Variants in INIP observed in about 807,000 individuals in gnomAD.
INIP encodes SOSS complex subunit C.
In INIP, 9 loss-of-function variants were observed where a neutral mutation model predicts 14.0. The observed-to-expected ratio is 0.64, with a 90% confidence interval of 0.39 to 1.12. The LOEUF is 1.12. Ranked by LOEUF, INIP falls within the 50% of genes most tolerant of loss-of-function variation. The pLI, the probability that INIP is intolerant of heterozygous loss-of-function variation, is 0.01. For missense variants in INIP, 78 were observed against 122.7 expected (o/e 0.64, Z 1.72); for synonymous variants, 37 against 41.5 (o/e 0.89, Z 0.41).
intron 3 of INIP, among the ~76,000 whole-genome samples, chr9:112,690,808 A>C (rs1244297881): frequency 6.6e-6 from 1 of 152,234 alleles, no homozygotes; most frequent in Non-Finnish European, 1.5e-5. Context: ...GACACACCAT[A>C]GGAACCTTTC....
rs540318198 is a variant in INIP, at chr9:112,691,383, CG to C, written c.129-1767del. Among the ~76,000 whole-genome samples, 379 of 152,228 alleles carry C rather than the reference CG, an allele frequency of 2.5e-3. 4 individuals carry two copies. The highest frequency in any genetic ancestry group is 8.8e-3 in the African/African-American group (367 of 41,526). ...GAATATTCAGTAGCTGATTGGAGAG[CG>C]GGGAGAATGAGTTCAGGTTGGGACA... On this transcript the variant is annotated intron_variant, in intron 3 of 4. Coordinates refer to ENST00000374242, the MANE Select transcript of INIP (RefSeq NM_021218.3).
chr9:112,699,155 A>G (rs1165916806), intron 2 of INIP, among the ~76,000 whole-genome samples: 2 of 150,426 alleles, frequency 1.3e-5, no homozygotes, highest in African/African-American at 5.0e-5. Flanking sequence ...CTATCTCTTA[A>G]AAAAAAAATT....
At chr9:112,714,164 A>G (rs1838735195) in intron 2 of INIP, among the ~76,000 whole-genome samples, 1 of 152,240 alleles carries the variant, frequency 6.6e-6, no homozygotes, top group Admixed American at 6.5e-5. Flanking sequence ...CTACTGATCC[A>G]TGCACAATAT....
intron 2 of INIP, among the ~76,000 whole-genome samples, chr9:112,705,110 CAA>C (rs1194911436): frequency 0.021 from 967 of 45,874 alleles, 5 homozygotes; most frequent in African/African-American, 0.077. Flanking sequence ...GACCCTGTCT[CAA>C]AAAAAAAAAA....
chr9:112,715,133 T>TACATACACAC (rs767980765), intron 2 of INIP, among the ~76,000 whole-genome samples: 1 of 133,434 alleles, frequency 7.5e-6, no homozygotes, highest in Non-Finnish European at 1.6e-5. Context: ...CATACATACA[T>TACATACACAC]ACACACACAC....
Position 112,701,428 on chromosome 9 carries a change from GA to G in INIP, c.26-7196del, listed in dbSNP as rs1361242415. ...AGCAAACAAATCATGCTCTTACAATGAATCAGATGGAAAGGTGTAAATACAG... is the reference window on the plus strand; with the variant it reads ...AGCAAACAAATCATGCTCTTACAATGATCAGATGGAAAGGTGTAAATACAG... On this transcript the variant is annotated intron_variant, in intron 2 of 4. Coordinates refer to ENST00000374242, the MANE Select transcript of INIP (RefSeq NM_021218.3). Among the ~76,000 whole-genome samples the G allele has an allele frequency of 2.0e-5, 3 of 152,210 alleles. No individual in the cohort carries two copies. In the East Asian group the frequency reaches 5.8e-4, roughly 29 times the overall value.
intron 2 of INIP, among the ~76,000 whole-genome samples, chr9:112,705,927 T>C (rs1838451256): frequency 6.6e-6 from 1 of 152,168 alleles, no homozygotes; most frequent in South Asian, 2.1e-4. Context: ...ACTCAGAGTA[T>C]TTAGAAAAGG....
Position 112,689,547 on chromosome 9 carries a change from G to T in INIP, c.199C>A (p.Gln67Lys). The T allele has an allele frequency of 6.2e-7, 1 of 1,614,088 alleles. No individual in the cohort carries two copies. Among genetic ancestry groups the T allele is most frequent in the South Asian group, 1.1e-5 (1 of 91,062 alleles). Residue 67 changes from glutamine to lysine, a missense_variant, in exon 4 of 5, where the codon CAA (glutamine) becomes AAA (lysine). Transcript: ENST00000374242. The part of the protein sequence containing the change: ...DHAEQQHIAA[Q>K]QKAALQHAHA... ...CTCACCTGCAAAGCTGCCTTCTGTT[G>T]GGCTGCAATATGCTGCTGCTCAGCG... is the stretch of plus-strand genomic sequence containing the variant.
intron 2 of INIP, among the ~76,000 whole-genome samples, chr9:112,699,891 G>A (rs1049135313): frequency 2.0e-5 from 3 of 152,070 alleles, no homozygotes; most frequent in African/African-American, 4.8e-5. Flanking sequence ...TTCACAGTGT[G>A]CCCTTAGTAT....
intron 2 of INIP, among the ~76,000 whole-genome samples, chr9:112,708,932 G>A (rs755869707): frequency 1.3e-5 from 2 of 151,188 alleles, no homozygotes; most frequent in Middle Eastern, 3.4e-3. Context: ...AGTTAATGAC[G>A]AATGTTTCCT....
At chr9:112,698,014 A>G (rs1838151167) in intron 2 of INIP, among the ~76,000 whole-genome samples, 1 of 152,202 alleles carries the variant, frequency 6.6e-6, no homozygotes, top group South Asian at 2.1e-4. Context: ...AAATGAAATG[A>G]TTAAAGTAGG....
chr9:112,711,906 G>A (rs1004942925), intron 2 of INIP, among the ~76,000 whole-genome samples: 5 of 152,172 alleles, frequency 3.3e-5, no homozygotes, highest in African/African-American at 9.7e-5. Context: ...AGAGTAGTCT[G>A]GTTGGTCTAA....
intron 4 of INIP, among the ~76,000 whole-genome samples, chr9:112,688,489 TAAA>T (rs201986556): frequency 9.6e-5 from 13 of 135,324 alleles, no homozygotes; most frequent in Admixed American, 2.2e-4. Flanking sequence ...CCTCTGTCAT[TAAA>T]AAAAAAAAAA....
chr9:112,706,093 G>A (rs1838458980), intron 2 of INIP, among the ~76,000 whole-genome samples: 1 of 152,154 alleles, frequency 6.6e-6, no homozygotes. Context: ...AATGCAATAT[G>A]AAAAAGGTGC....
chr9:112,712,020 T>C (rs147165032), intron 2 of INIP, among the ~76,000 whole-genome samples: 82 of 152,338 alleles, frequency 5.4e-4, no homozygotes, highest in African/African-American at 1.9e-3. Context: ...ATTTGGGAAC[T>C]TGTGGCCTTT....
intron 3 of INIP, among the ~76,000 whole-genome samples, chr9:112,692,413 A>G (rs535243680): frequency 6.6e-6 from 1 of 152,244 alleles, no homozygotes; most frequent in South Asian, 2.1e-4. Context: ...CCTCCCAGGT[A>G]GCTGGCACTA....
chr9:112,716,411 T>C, intron 2 of INIP, 50 bp downstream of exon 2: 1 of 1,540,408 alleles, frequency 6.5e-7, no homozygotes, highest in Non-Finnish European at 9.0e-7. Flanking sequence ...TCAAATACAT[T>C]TACTATATTG....
chr9:112,690,694 G>C (rs905620531), intron 3 of INIP, among the ~76,000 whole-genome samples: 1 of 152,202 alleles, frequency 6.6e-6, no homozygotes, highest in Non-Finnish European at 1.5e-5. Flanking sequence ...TCCCCTAGCT[G>C]GTTTCTGGTT....
At chr9:112,693,297 C>T (rs1031861094) in intron 3 of INIP, among the ~76,000 whole-genome samples, 1 of 152,122 alleles carries the variant, frequency 6.6e-6, no homozygotes, top group South Asian at 2.1e-4. Context: ...CTCTCTCTCT[C>T]CCCTCCCCAC....
Sources: gnomAD v4.1 joint callset for allele counts (sites outside exome capture counted in the v4.1 genomes callset) on GRCh38, gnomAD v4.1.1 for gene constraint, MANE v1.5 for transcripts, NCBI Gene and HGNC (gene_info 2026-07-23, HGNC 2026-07-21) for gene names.